Variants in PCDH15 observed in about 807,000 individuals in gnomAD.
PCDH15 encodes the protein protocadherin-15.
A neutral mutation model predicts 178.5 loss-of-function variants in PCDH15; 129 were observed. The ratio of observed to expected loss-of-function variants is 0.72; its 90% CI spans 0.63 to 0.84. PCDH15 has a LOEUF of 0.84. Among genes scored for constraint, PCDH15 ranks in the 40% least tolerant of loss-of-function variants. The pLI is 0.00. For missense variants in PCDH15, 2,230 were observed against 2,099.9 expected, an observed-to-expected ratio of 1.06 and a Z score of -1.21; for synonymous variants, 800 against 732.0, an observed-to-expected ratio of 1.09 and a Z score of -1.50.
intron 1 of PCDH15, among the ~76,000 whole-genome samples, chr10:55,214,559 T>A (rs1185582053): frequency 6.6e-6 from 1 of 151,964 alleles, no homozygotes; most frequent in East Asian, 1.9e-4. Flanking sequence ...ATTTATTCTT[T>A]TTTTTTTGTG....
At chr10:55,259,672 G>T (rs1311921419) in intron 1 of PCDH15, among the ~76,000 whole-genome samples, 1 of 152,028 alleles carries the variant, frequency 6.6e-6, no homozygotes, top group Non-Finnish European at 1.5e-5. Flanking sequence ...TTGGGAGGCT[G>T]AGGTGGGCGG....
chr10:53,927,953 A>G (rs1018014787), intron 25 of PCDH15, among the ~76,000 whole-genome samples: 1 of 152,262 alleles, frequency 6.6e-6, no homozygotes, highest in Admixed American at 6.5e-5. Context: ...CTTGTAGAAT[A>G]ATTGAGTTGA....
In PCDH15 at chr10:53,956,232, T is replaced by A. The variant is rs547473642; in HGVS notation, c.3122+3500A>T. ...AGTTCCATATTTTTTTGGCCAGAAA[T>A]CAGTCAAACGGCAGAATTCAGAATT... On this transcript the variant is annotated intron_variant, in intron 23 of 37. Transcript: ENST00000644397. 1.2e-4 allele frequency among the ~76,000 whole-genome samples: 18 copies of A among 152,100 alleles called. No homozygotes were observed. The East Asian group carries it at 2.9e-3, about 25-fold the overall frequency.
In PCDH15 at chr10:53,808,824, A is replaced by T. The variant is rs749605227; in HGVS notation, c.4672-1694T>A. 87 of 1,611,202 alleles carry T rather than the reference A, an allele frequency of 5.4e-5. 2 individuals are homozygous for T. In the East Asian group the frequency reaches 1.9e-3, roughly 35 times the overall value. On this transcript the variant is annotated intron_variant, in intron 37 of 37. Transcript: ENST00000644397. ...ACTGACTTTCGCTACTACTGCTACT[A>T]CTACCTGATTCTGATTCCTCCTCAC...
chr10:54,791,518 C>A (rs2133561376), intron 1 of PCDH15, among the ~76,000 whole-genome samples: 1 of 151,998 alleles, frequency 6.6e-6, no homozygotes, highest in South Asian at 2.1e-4. Context: ...TCCAGCCCAA[C>A]TTCTCTTCTA....
chr10:54,801,789 A>G (rs913045267), upstream of PCDH15, among the ~76,000 whole-genome samples: 3 of 152,186 alleles, frequency 2.0e-5, no homozygotes, highest in African/African-American at 4.8e-5. Flanking sequence ...AACACGTGTG[A>G]CTGGTAGTAT....
chr10:54,164,274 T>C (rs1017346346), intron 13 of PCDH15, among the ~76,000 whole-genome samples: 1 of 152,182 alleles, frequency 6.6e-6, no homozygotes. Flanking sequence ...AATATTAAAG[T>C]GTATTGTGTT....
chr10:54,420,646 T>C (rs965045475), intron 3 of PCDH15, among the ~76,000 whole-genome samples: 1 of 151,814 alleles, frequency 6.6e-6, no homozygotes, highest in Admixed American at 6.6e-5. Context: ...CTGGGGAGAA[T>C]AGAACATAAA....
chr10:55,588,795 G>A (rs1164675204), intron 2 of PCDH15, among the ~76,000 whole-genome samples: 1 of 151,982 alleles, frequency 6.6e-6, no homozygotes, highest in African/African-American at 2.4e-5. Flanking sequence ...CGAAATAAAG[G>A]AATAGGCAAG....
chr10:54,113,404 A>G (rs1026529868), intron 15 of PCDH15, among the ~76,000 whole-genome samples: 2 of 152,136 alleles, frequency 1.3e-5, no homozygotes, highest in Admixed American at 6.5e-5. Flanking sequence ...GCAGCAAAAC[A>G]TGTACACTCA....
chr10:55,284,646 A>T (rs1842821421), intron 1 of PCDH15, among the ~76,000 whole-genome samples: 1 of 152,036 alleles, frequency 6.6e-6, no homozygotes, highest in Non-Finnish European at 1.5e-5. Context: ...CATAGTAAAA[A>T]TTTTAGGGCA....
At chr10:54,459,903 C>A (rs2077065776) in intron 3 of PCDH15, among the ~76,000 whole-genome samples, 1 of 152,056 alleles carries the variant, frequency 6.6e-6, no homozygotes, top group Non-Finnish European at 1.5e-5. Flanking sequence ...AAATCTTGCT[C>A]TTAATGTTTT....
At chr10:53,903,403 G>A (rs945976816) in intron 25 of PCDH15, 33 bp from the exon 26 acceptor site, 3 of 1,609,282 alleles carry the variant, frequency 1.9e-6, no homozygotes, top group East Asian at 2.2e-5. Flanking sequence ...TTTTTTATTG[G>A]TGGTTATTCA....
At position 54,280,077 on chromosome 10, in the gene PCDH15, C is replaced by T. The variant is rs2058590710; in HGVS notation, c.876+37194G>A. Among the ~76,000 whole-genome samples the T allele has an allele frequency of 2.0e-5, 3 of 151,578 alleles. No homozygotes were observed. In the South Asian group the frequency reaches 6.2e-4, roughly 31 times the overall value. On this transcript the variant is annotated intron_variant, in intron 8 of 37. Transcript: ENST00000644397. The stretch of plus-strand genomic sequence containing the variant: ...AAAATGGGTTCAAACTTTTTATTCC[C>T]TTATCCTTTAATTATTAGAAGAAAC...
chr10:54,178,431 G>C (rs1203014463), intron 13 of PCDH15, among the ~76,000 whole-genome samples: 1 of 152,084 alleles, frequency 6.6e-6, no homozygotes, highest in African/African-American at 2.4e-5. Context: ...GATTAGACCA[G>C]AACCTGGGGA....
intron 2 of PCDH15, among the ~76,000 whole-genome samples, chr10:55,611,262 G>C (rs958239683): frequency 2.5e-4 from 38 of 151,902 alleles, no homozygotes; most frequent in African/African-American, 8.9e-4. Context: ...GCAAATCATA[G>C]GTCTGATAAA....
At chr10:55,063,446 T>C (rs11004718) in intron 2 of PCDH15, among the ~76,000 whole-genome samples, 9,366 of 152,176 alleles carry the variant, frequency 0.062, 404 homozygotes, top group African/African-American at 0.11. Flanking sequence ...TATATAAACA[T>C]TGAAACTCTC....
At chr10:53,822,625 A>G in intron 32 of PCDH15, 6 of 1,614,046 alleles carry the variant, frequency 3.7e-6, no homozygotes, top group Non-Finnish European at 5.1e-6. Context: ...CTTGAAGGAG[A>G]AAGTTCCAAG....
intron 2 of PCDH15, among the ~76,000 whole-genome samples, chr10:55,105,340 A>G (rs539180316): frequency 1.3e-5 from 2 of 152,218 alleles, no homozygotes; most frequent in South Asian, 2.1e-4. Context: ...CATTTATTGG[A>G]AAAAAATCAC....
Sources: gnomAD v4.1 joint callset for allele counts (sites outside exome capture counted in the v4.1 genomes callset) on GRCh38, gnomAD v4.1.1 for gene constraint, MANE v1.5 for transcripts, NCBI Gene and HGNC (gene_info 2026-07-23, HGNC 2026-07-21) for gene names.